ROR2: variants seen among roughly 807,000 people sequenced by gnomAD.
ROR2 encodes the protein tyrosine-protein kinase transmembrane receptor ROR2.
A neutral mutation model predicts 74.9 loss-of-function variants in ROR2; 33 were observed. That is an observed-to-expected ratio of 0.44 (90% CI 0.33 to 0.59). The LOEUF is 0.59. Among genes scored for constraint, ROR2 ranks in the 20% least tolerant of loss-of-function variants. The pLI is 0.02. For missense variants in ROR2, 1,216 were observed against 1,313.8 expected (o/e 0.93, Z 1.15); for synonymous variants, 586 against 558.7 (o/e 1.05, Z -0.69).
chr9:91,798,658 TCTGTGGGTGGGGCTG>T (rs1827271351), intron 1 of ROR2, among the ~76,000 whole-genome samples: 2 of 122,610 alleles, frequency 1.6e-5, no homozygotes, highest in African/African-American at 7.5e-5. Flanking sequence ...CACCCTGGGC[TCTGTGGGTGGGGCTG>T]ACACCCTGGG....
In ROR2 at chr9:91,914,278, T is replaced by C. The variant is rs550799055; in HGVS notation, c.97+35589A>G. On this transcript the variant is annotated intron_variant, in intron 1 of 8. Transcript: ENST00000375708. Reference sequence around the variant, plus strand: ...AAGCATAACGTGGCCATATTTCAAATGTGCAGAGTTTAAACCTCCAGGAGG... The same window carrying C: ...AAGCATAACGTGGCCATATTTCAAACGTGCAGAGTTTAAACCTCCAGGAGG... Among the ~76,000 whole-genome samples, 5 of 152,314 alleles carry C rather than the reference T, an allele frequency of 3.3e-5. No homozygotes were observed. The East Asian group carries it at 9.6e-4, about 29-fold the overall frequency.
intron 2 of ROR2, among the ~76,000 whole-genome samples, chr9:91,769,845 G>A (rs533476628): frequency 7.9e-5 from 12 of 152,300 alleles, no homozygotes; most frequent in South Asian, 2.1e-4. Context: ...CAGAGAGCCC[G>A]GAGGGGCAGA....
rs931900725 is a variant in ROR2, at chr9:91,905,024, C to A, written c.97+44843G>T. ...CATACCACACAACATATACCACACA[C>A]AAAAACGTAACATATACGCAAACAT... On this transcript the variant is annotated intron_variant, in intron 1 of 8. Transcript: ENST00000375708. The surrounding 1 kb of genome is among the most constrained non-coding windows in gnomAD (Gnocchi z 5.3). Among the ~76,000 whole-genome samples the A allele has an allele frequency of 6.6e-6, 1 of 150,710 alleles. No individual in the cohort carries two copies. The highest frequency in any genetic ancestry group is 1.5e-5 in the Non-Finnish European group (1 of 67,752).
At chr9:91,842,188 G>C (rs1241597491) in intron 1 of ROR2, among the ~76,000 whole-genome samples, 1 of 152,164 alleles carries the variant, frequency 6.6e-6, no homozygotes, top group East Asian at 1.9e-4. Flanking sequence ...TCAAAAGCAA[G>C]TATCTTCAAG....
intron 1 of ROR2, among the ~76,000 whole-genome samples, chr9:91,801,577 C>T (rs1424396300): frequency 2.0e-5 from 3 of 152,154 alleles, no homozygotes; most frequent in African/African-American, 7.2e-5. Flanking sequence ...GTGATCACCC[C>T]CCTTGGCCTC....
chr9:91,909,842 GTTTTGT>G lies in ROR2; in HGVS notation c.97+40019_97+40024del, dbSNP rs1332294239. On this transcript the variant is annotated intron_variant, in intron 1 of 8. Coordinates refer to ENST00000375708, the MANE Select transcript of ROR2 (RefSeq NM_004560.4). The stretch of plus-strand genomic sequence containing the variant: ...TTTATTCTTTTTTTTTTTTAGGTTT[GTTTTGT>G]TTTTTTTTTTTTTTTTTTTTTTTAG... Among the ~76,000 whole-genome samples, 57 of 55,996 alleles carry G rather than the reference GTTTTGT, an allele frequency of 1.0e-3. 2 individuals carry two copies. The highest frequency in any genetic ancestry group is 4.1e-3 in the African/African-American group (55 of 13,390). 36.7% of individuals were successfully genotyped at this position (55,996 alleles called of 152,430 possible).
chr9:91,913,695 CT>C (rs1342309249), intron 1 of ROR2, among the ~76,000 whole-genome samples: 2 of 152,212 alleles, frequency 1.3e-5, no homozygotes, highest in Non-Finnish European at 2.9e-5. Flanking sequence ...CCAGTCTGTA[CT>C]TTCACCAATC....
intron 2 of ROR2, among the ~76,000 whole-genome samples, chr9:91,759,228 C>T (rs956821155): frequency 2.2e-5 from 3 of 136,414 alleles, no homozygotes; most frequent in Non-Finnish European, 3.1e-5. Flanking sequence ...GGAAGCCAGG[C>T]GGTGGATTTA....
chr9:91,723,770 G>C lies in ROR2; in HGVS notation c.2724C>G (p.Thr908=), dbSNP rs374824850. 2 of 1,613,762 alleles carry C rather than the reference G, an allele frequency of 1.2e-6. No homozygotes were observed. The highest frequency in any genetic ancestry group is 1.7e-6 in the Non-Finnish European group (2 of 1,180,020). The change falls in exon 9 of 9, where the codon ACC becomes ACG. Residue 908 remains threonine (T), a synonymous_variant. Coordinates refer to ENST00000375708, the MANE Select transcript of ROR2 (RefSeq NM_004560.4). The part of the protein sequence containing the change: ...QNAPEDGAQS[T]VQEAEEEEEG... ...CCTCCTCCTCCTCTGCTTCCTGCAC[G>C]GTGCTCTGGGCCCCATCTTCTGGGG...
rs755593346 is a variant in ROR2 at position 91,724,023 on chromosome 9, T to C, written c.2471A>G (p.Tyr824Cys). 1.2e-6 allele frequency: 2 copies of C among 1,612,090 alleles called. No individual in the cohort carries two copies. Among genetic ancestry groups the C allele is most frequent in the Admixed American group, 3.3e-5 (2 of 60,002 alleles). ...PPQLYVPVNG[Y>C]QPVPAYGAYL... Reference sequence around the variant, plus strand: ...GGCCCCATAGGCCGGCACCGGCTGGTAGCCGTTGACGGGGACGTAGAGCTG... The same window carrying C: ...GGCCCCATAGGCCGGCACCGGCTGGCAGCCGTTGACGGGGACGTAGAGCTG... Residue 824 changes from tyrosine (Y) to cysteine (C), a missense_variant, in exon 9 of 9, where the codon TAC becomes TGC. Coordinates refer to ENST00000375708, the MANE Select transcript of ROR2 (RefSeq NM_004560.4).
chr9:91,949,748 G>A (rs1022516827), intron 1 of ROR2, 119 bp downstream of exon 1: 3 of 710,664 alleles, frequency 4.2e-6, no homozygotes, highest in Non-Finnish European at 7.5e-6. Flanking sequence ...CCTGCCTGGC[G>A]CCCCTCGTTC....
chr9:91,922,458 A>G (rs7466218), intron 1 of ROR2, among the ~76,000 whole-genome samples: 1 of 151,500 alleles, frequency 6.6e-6, no homozygotes, highest in Non-Finnish European at 1.5e-5. Context: ...TAATTTTTTT[A>G]TTTTTTATTT....
At chr9:91,895,343 A>G (rs1830510562) in intron 1 of ROR2, among the ~76,000 whole-genome samples, 1 of 152,184 alleles carries the variant, frequency 6.6e-6, no homozygotes, top group African/African-American at 2.4e-5. Flanking sequence ...ATCATTTTAC[A>G]TTTGTTCAAA....
intron 1 of ROR2, among the ~76,000 whole-genome samples, chr9:91,861,134 T>A (rs557679540): frequency 6.6e-6 from 1 of 152,206 alleles, no homozygotes; most frequent in Non-Finnish European, 1.5e-5. Flanking sequence ...TGGAAAAATA[T>A]CCTGTGTTTA....
At chr9:91,923,437 G>C (rs1831322937) in intron 1 of ROR2, among the ~76,000 whole-genome samples, 2 of 152,218 alleles carry the variant, frequency 1.3e-5, no homozygotes, top group South Asian at 4.1e-4. Flanking sequence ...TACAGCTACA[G>C]AACAATGCAC....
At chr9:91,920,412 G>A (rs991536011) in intron 1 of ROR2, among the ~76,000 whole-genome samples, 2 of 152,154 alleles carry the variant, frequency 1.3e-5, no homozygotes, top group Non-Finnish European at 2.9e-5. Flanking sequence ...AGGCTGAGGT[G>A]AGAAGATCAC....
chr9:91,832,129 G>T lies in ROR2; in HGVS notation c.98-56311C>A, dbSNP rs563238281. 7.9e-5 allele frequency among the ~76,000 whole-genome samples: 12 copies of T among 152,194 alleles called. No homozygotes were observed. The South Asian group carries it at 2.3e-3, about 29-fold the overall frequency. On this transcript the variant is annotated intron_variant, in intron 1 of 8. Coordinates refer to ENST00000375708, the MANE Select transcript of ROR2 (RefSeq NM_004560.4). The stretch of plus-strand genomic sequence containing the variant: ...GATCCCCTAATGAATCTCTCATAGA[G>T]CCCAAGGCACTCACAGCCAATCAAC...
chr9:91,760,696 A>T (rs1825890254), intron 2 of ROR2, among the ~76,000 whole-genome samples: 2 of 152,146 alleles, frequency 1.3e-5, no homozygotes, highest in South Asian at 4.2e-4. Flanking sequence ...TCTCAATTTC[A>T]TTGCTACTTT....
At chr9:91,826,071 C>T (rs562800144) in intron 1 of ROR2, among the ~76,000 whole-genome samples, 1 of 152,304 alleles carries the variant, frequency 6.6e-6, no homozygotes, top group South Asian at 2.1e-4. Flanking sequence ...TTGTACGTAT[C>T]CTGTGGTTTT....
Sources: gnomAD v4.1 joint callset for allele counts (sites outside exome capture counted in the v4.1 genomes callset) on GRCh38, gnomAD v4.1.1 for gene constraint, Gnocchi (gnomAD v3.1) non-coding constraint, MANE v1.5 for transcripts, NCBI Gene and HGNC (gene_info 2026-07-23, HGNC 2026-07-21) for gene names.